KCNJ15: variants seen among roughly 807,000 people sequenced by gnomAD.
KCNJ15 encodes potassium inwardly rectifying channel subfamily J member 15.
In KCNJ15, 14 loss-of-function variants were observed where a neutral mutation model predicts 23.0. That is an observed-to-expected ratio of 0.61 (90% confidence interval 0.40 to 0.95). The LOEUF is 0.95. Ranked by LOEUF, KCNJ15 falls within the 40% of genes least tolerant of loss-of-function variation. The probability of loss-of-function intolerance (pLI) is 0.00; values close to 1 mark genes in which losing one functional copy is unlikely to be tolerated. For missense variants in KCNJ15, 388 were observed against 461.8 expected (o/e 0.84, Z 1.46); for synonymous variants, 185 against 183.2 (o/e 1.01, Z -0.08).
At chr21:38,289,938 C>T (rs2087183030) in intron 1 of KCNJ15, among the ~76,000 whole-genome samples, 1 of 152,204 alleles carries the variant, frequency 6.6e-6, no homozygotes, top group African/African-American at 2.4e-5. Flanking sequence ...CAGGGAGAGG[C>T]CAAGGGTGGT....
chr21:38,279,942 T>C (rs1415391265), intron 1 of KCNJ15, among the ~76,000 whole-genome samples: 1 of 152,158 alleles, frequency 6.6e-6, no homozygotes, highest in Non-Finnish European at 1.5e-5. Context: ...AAGTTCAATG[T>C]CTTGGCTGAA....
intron 1 of KCNJ15, among the ~76,000 whole-genome samples, chr21:38,292,508 A>C (rs1471008349): frequency 6.6e-6 from 1 of 152,222 alleles, no homozygotes; most frequent in Non-Finnish European, 1.5e-5. Context: ...TGTCATGATA[A>C]ATGTAAATAT....
At position 38,268,730 on chromosome 21, in the gene KCNJ15, G is replaced by A. The variant is rs533137156; in HGVS notation, c.-117+11545G>A. The stretch of plus-strand genomic sequence containing the variant: ...CTTCCTGGATGTGAATTCCAGGTGT[G>A]CAGACTCCTGGCAGCAATACTCTTG... On this transcript the variant is annotated intron_variant, in intron 1 of 2. Coordinates refer to ENST00000398938, the MANE Select transcript of KCNJ15 (RefSeq NM_170736.3). 1.7e-3 allele frequency among the ~76,000 whole-genome samples: 252 copies of A among 152,220 alleles called. 5 individuals are homozygous for A. In the South Asian group the frequency reaches 0.051, roughly 31 times the overall value.
At chr21:38,270,851 G>A (rs1247386498) in intron 1 of KCNJ15, among the ~76,000 whole-genome samples, 1 of 152,216 alleles carries the variant, frequency 6.6e-6, no homozygotes, top group Non-Finnish European at 1.5e-5. Flanking sequence ...GTTCATAAGT[G>A]TATTCATATT....
chr21:38,294,123 A>AT (rs909450598), intron 1 of KCNJ15, among the ~76,000 whole-genome samples: 1 of 152,050 alleles, frequency 6.6e-6, no homozygotes, highest in Non-Finnish European at 1.5e-5. Flanking sequence ...CTTGTCAAGC[A>AT]TTTTTTTTCT....
intron 1 of KCNJ15, among the ~76,000 whole-genome samples, chr21:38,262,868 G>T (rs1293646444): frequency 6.6e-6 from 1 of 151,996 alleles, no homozygotes; most frequent in African/African-American, 2.4e-5. Flanking sequence ...AGTAGAGATG[G>T]GGTTTCACCA....
At chr21:38,282,105 T>A (rs528595732) in intron 1 of KCNJ15, among the ~76,000 whole-genome samples, 2 of 152,286 alleles carry the variant, frequency 1.3e-5, no homozygotes, top group South Asian at 2.1e-4. Flanking sequence ...CCATTTTTTT[T>A]AAATGGAGCA....
At chr21:38,242,378 C>A (rs974560552) in intron 1 of KCNJ15, among the ~76,000 whole-genome samples, 1 of 152,082 alleles carries the variant, frequency 6.6e-6, no homozygotes, top group African/African-American at 2.4e-5. Flanking sequence ...TTACTGTGAA[C>A]CAAGATTGCA....
chr21:38,254,398 A>G (rs193138131), upstream of KCNJ15, among the ~76,000 whole-genome samples: 3 of 152,326 alleles, frequency 2.0e-5, no homozygotes, highest in African/African-American at 7.2e-5. Flanking sequence ...CAAAATGAAG[A>G]ACATTGTCTT....
At chr21:38,238,171 T>C (rs1978742373) in intron 1 of KCNJ15, 1 of 412,502 alleles carries the variant, frequency 2.4e-6, no homozygotes, top group Admixed American at 3.4e-5. Flanking sequence ...AGGACCTGAG[T>C]CTTTAGTCAG....
intron 1 of KCNJ15, among the ~76,000 whole-genome samples, chr21:38,280,342 C>G (rs935069458): frequency 6.6e-6 from 1 of 152,120 alleles, no homozygotes; most frequent in Non-Finnish European, 1.5e-5. Context: ...CATAATAGGG[C>G]ACACATACAT....
chr21:38,244,220 A>G (rs1393349566), intron 1 of KCNJ15, among the ~76,000 whole-genome samples: 3 of 152,136 alleles, frequency 2.0e-5, no homozygotes, highest in Non-Finnish European at 2.9e-5. Context: ...CGAACCCACC[A>G]AAGTCTAGAA....
intron 1 of KCNJ15, among the ~76,000 whole-genome samples, chr21:38,244,887 C>T (rs376976552): frequency 6.6e-6 from 1 of 152,112 alleles, no homozygotes; most frequent in African/African-American, 2.4e-5. Flanking sequence ...CTCTGAATCT[C>T]TTTTCTTTCT....
At chr21:38,292,068 G>A (rs189779652) in intron 1 of KCNJ15, among the ~76,000 whole-genome samples, 10 of 152,282 alleles carry the variant, frequency 6.6e-5, no homozygotes, top group African/African-American at 2.4e-4. Context: ...ACTGCACCAC[G>A]AGACTCCTTT....
chr21:38,264,685 G>A (rs1981279387), intron 1 of KCNJ15, among the ~76,000 whole-genome samples: 1 of 152,222 alleles, frequency 6.6e-6, no homozygotes. Context: ...GAAAATATGT[G>A]TATGTGAAAA....
rs1985586655 is a variant in KCNJ15, at chr21:38,299,912, G to T, written c.651G>T (p.Leu217=). 1 of 1,613,882 alleles carries T rather than the reference G, an allele frequency of 6.2e-7. No individual in the cohort carries two copies. The highest frequency in any genetic ancestry group is 1.3e-5 in the African/African-American group (1 of 74,906). Residue 217 remains leucine (L), a synonymous_variant, in exon 3 of 3, where the codon CTG becomes CTT. Transcript: ENST00000398938. The surrounding 1 kb of genome is among the most constrained non-coding windows in gnomAD (Gnocchi z 4.5). ...LIQCQLSGKL[L]QTHVTKEGER... ...AGTGCCAGCTCTCTGGCAAGCTCCT[G>T]CAGACCCACGTCACCAAGGAGGGGG...
At position 38,306,771 on chromosome 21, in the gene KCNJ15, A is replaced by G. The variant is rs1986071689; in HGVS notation, c.*6382A>G. 6.6e-6 allele frequency: 1 copy of G among 152,222 alleles called. No homozygotes were observed. The highest frequency in any genetic ancestry group is 2.1e-4 in the South Asian group (1 of 4,830). The allele number at this position is 152,222 out of a possible 1,614,324, so 9.4% of individuals were successfully genotyped here. On this transcript the variant is annotated 3_prime_UTR_variant, in exon 3 of 3. Coordinates refer to ENST00000398938, the MANE Select transcript of KCNJ15 (RefSeq NM_170736.3). ...AATTATTTCTGTAAGGTGTCATGGA[A>G]TTGTAAGTTACAAAAATAAGGCTTT... is the stretch of plus-strand genomic sequence containing the variant.
chr21:38,295,479 A>G (rs1985048282), intron 1 of KCNJ15, among the ~76,000 whole-genome samples: 1 of 152,104 alleles, frequency 6.6e-6, no homozygotes, highest in South Asian at 2.1e-4. Context: ...TTGAAAATCA[A>G]TCAGATTTGC....
chr21:38,230,134 G>A (rs1988692003), intron 1 of KCNJ15, among the ~76,000 whole-genome samples: 1 of 151,726 alleles, frequency 6.6e-6, no homozygotes, highest in Non-Finnish European at 1.5e-5. Flanking sequence ...TTTTTTTAAT[G>A]TTACCACCCA....
Sources: allele counts gnomAD v4.1 joint callset (sites outside exome capture counted in the v4.1 genomes callset), GRCh38; gene constraint gnomAD v4.1.1; non-coding constraint Gnocchi (gnomAD v3.1); transcripts MANE v1.5; gene names NCBI Gene and HGNC (gene_info 2026-07-23, HGNC 2026-07-21).